The following AK8 variants were observed in gnomAD, a reference collection of about 807,000 sequenced individuals.
AK8 encodes ATP-AMP transphosphorylase 8.
AK8 carries 44 observed loss-of-function variants against 54.6 expected under a neutral mutation model. The ratio of observed to expected loss-of-function variants is 0.81; its 90% confidence interval spans 0.63 to 1.04. The LOEUF is 1.04. Among genes scored for constraint, AK8 ranks in the 50% least tolerant of loss-of-function variants. The pLI is 0.00. For synonymous variants in AK8, 239 were observed against 245.6 expected (o/e 0.97, Z 0.25); for missense variants, 555 against 613.6 (o/e 0.90, Z 1.01).
At chr9:132,800,115 C>G (rs1840373018) in intron 10 of AK8, among the ~76,000 whole-genome samples, 1 of 152,174 alleles carries the variant, frequency 6.6e-6, no homozygotes, top group African/African-American at 2.4e-5. Flanking sequence ...TTTGCCCAGG[C>G]CCTGACTTAA....
chr9:132,878,920 G>A (rs1350915365), upstream of AK8: 2 of 325,336 alleles, frequency 6.1e-6, no homozygotes, highest in African/African-American at 2.3e-5. The surrounding 1 kb of genome is among the most constrained non-coding windows in gnomAD (Gnocchi z 4.7). Flanking sequence ...GTCCTGGAAC[G>A]GGCCTCCCCA....
At chr9:132,820,763 T>G (rs545783540) in intron 9 of AK8, among the ~76,000 whole-genome samples, 52 of 152,352 alleles carry the variant, frequency 3.4e-4, no homozygotes, top group African/African-American at 1.2e-3. Flanking sequence ...GATATTTTCC[T>G]TTGGCTGAGA....
chr9:132,792,014 G>T (rs1384938737), intron 11 of AK8, among the ~76,000 whole-genome samples: 5 of 152,192 alleles, frequency 3.3e-5, no homozygotes. Flanking sequence ...CTAGAATGCT[G>T]TCACCTCCGC....
At position 132,781,496 on chromosome 9, in the gene AK8, TA is replaced by T. The variant is rs935634214; in HGVS notation, c.1121+11137del. On this transcript the variant is annotated intron_variant, in intron 11 of 12. Transcript: ENST00000298545. This position sits in a 1 kb window ranked among gnomAD's most constrained non-coding sequence, Gnocchi z 4.6. ...CAAAGAGGTCTATTTTTGTGTCCAA[TA>T]CACTGAGTAGCTTACCCTTCCCCGA... Among the ~76,000 whole-genome samples the T allele has an allele frequency of 6.6e-6, 1 of 152,182 alleles. No individual in the cohort carries two copies. Among genetic ancestry groups the T allele is most frequent in the Non-Finnish European group, 1.5e-5 (1 of 68,036 alleles).
chr9:132,795,079 G>C (rs537821398), intron 10 of AK8, among the ~76,000 whole-genome samples: 158 of 152,306 alleles, frequency 1.0e-3, no homozygotes, highest in African/African-American at 3.7e-3. Context: ...TGGCACCTGG[G>C]ATAAAGGATG....
intron 11 of AK8, among the ~76,000 whole-genome samples, chr9:132,765,726 A>T (rs998310302): frequency 5.3e-5 from 8 of 152,248 alleles, no homozygotes; most frequent in African/African-American, 1.9e-4. Flanking sequence ...ACCGATATCT[A>T]ACTTTATACT....
chr9:132,752,170 A>G (rs1299794225), intron 11 of AK8, among the ~76,000 whole-genome samples: 2 of 151,680 alleles, frequency 1.3e-5, no homozygotes, highest in African/African-American at 4.8e-5. Flanking sequence ...TTTTTAAAAT[A>G]TTGGAATAGA....
intron 11 of AK8, among the ~76,000 whole-genome samples, chr9:132,758,819 A>G (rs1838315493): frequency 6.6e-6 from 1 of 151,886 alleles, no homozygotes; most frequent in Non-Finnish European, 1.5e-5. Context: ...TTCTTTTGTG[A>G]AATCCATGTT....
chr9:132,877,786 CA>C, intron 1 of AK8: 1 of 485,588 alleles, frequency 2.1e-6, no homozygotes, highest in South Asian at 1.5e-5. Flanking sequence ...ACAAATTCGA[CA>C]GATGGTAATT....
chr9:132,772,885 G>A (rs962871873), intron 11 of AK8, among the ~76,000 whole-genome samples: 1 of 152,074 alleles, frequency 6.6e-6, no homozygotes, highest in Non-Finnish European at 1.5e-5. Context: ...TACCACCCTG[G>A]TCCAGGCCTC....
intron 3 of AK8, 61 bp from the exon 4 acceptor site, chr9:132,863,839 T>C (rs2251448): frequency 0.78 from 971,029 of 1,239,486 alleles, 381,928 homozygotes; most frequent in South Asian, 0.85. Flanking sequence ...CAAATGACTC[T>C]ATTAAAATGC....
At chr9:132,805,920 G>T (rs139738614) in intron 10 of AK8, among the ~76,000 whole-genome samples, 6 of 152,102 alleles carry the variant, frequency 3.9e-5, no homozygotes, top group African/African-American at 9.6e-5. Flanking sequence ...CGAGGTGAGG[G>T]TTCCTTTAAA....
intron 11 of AK8, among the ~76,000 whole-genome samples, chr9:132,755,290 T>A (rs1482861416): frequency 6.6e-6 from 1 of 152,124 alleles, no homozygotes; most frequent in Non-Finnish European, 1.5e-5. Context: ...GCCTATGGTA[T>A]CTCCCAGGTG....
In AK8 at chr9:132,754,913, C is replaced by T. The variant is rs1233743752; in HGVS notation, c.1122-27379G>A. On this transcript the variant is annotated intron_variant, in intron 11 of 12. Transcript: ENST00000298545. The stretch of plus-strand genomic sequence containing the variant: ...CTCCTGGATTCAAGCACTTTTCCTG[C>T]CTCAGCCTCCCAAGTACCTGGGATT... 3.9e-5 allele frequency among the ~76,000 whole-genome samples: 6 copies of T among 151,946 alleles called. No individual in the cohort carries two copies. In the East Asian group the frequency reaches 7.8e-4, roughly 20 times the overall value.
chr9:132,814,841 A>C (rs1841248858), intron 9 of AK8, 114 bp from the exon 10 acceptor site: 2 of 830,572 alleles, frequency 2.4e-6, no homozygotes, highest in South Asian at 3.7e-5. Flanking sequence ...TCACTGAAAA[A>C]AGCATAAAAG....
At chr9:132,734,246 G>A (rs1418539811) in intron 11 of AK8, among the ~76,000 whole-genome samples, 1 of 152,196 alleles carries the variant, frequency 6.6e-6, no homozygotes, top group Non-Finnish European at 1.5e-5. Flanking sequence ...GTGAGGGGCT[G>A]GGAGACCTGC....
At chr9:132,763,298 A>T (rs1169906264) in intron 11 of AK8, among the ~76,000 whole-genome samples, 2 of 152,258 alleles carry the variant, frequency 1.3e-5, no homozygotes, top group Non-Finnish European at 2.9e-5. Flanking sequence ...CAATAACAAG[A>T]GGAACTTTTG....
intron 11 of AK8, among the ~76,000 whole-genome samples, chr9:132,729,494 C>A (rs1340239994): frequency 2.6e-5 from 4 of 152,334 alleles, no homozygotes; most frequent in African/African-American, 9.6e-5. Flanking sequence ...CAGAGCTAAG[C>A]CAGGTCTTCT....
At chr9:132,832,902 G>T (rs1842163472) in intron 5 of AK8, among the ~76,000 whole-genome samples, 1 of 152,204 alleles carries the variant, frequency 6.6e-6, no homozygotes, top group Admixed American at 6.5e-5. Flanking sequence ...GCTCTGGAGT[G>T]AGCCCTAGGC....
Sources: gnomAD v4.1 joint callset for allele counts (sites outside exome capture counted in the v4.1 genomes callset) on GRCh38, gnomAD v4.1.1 for gene constraint, Gnocchi (gnomAD v3.1) non-coding constraint, MANE v1.5 for transcripts, NCBI Gene and HGNC (gene_info 2026-07-23, HGNC 2026-07-21) for gene names.